Variants in CNTN1 observed in about 807,000 individuals in gnomAD.
The protein encoded by CNTN1 is contactin-1.
A neutral mutation model predicts 126.4 loss-of-function variants in CNTN1; 38 were observed. The observed-to-expected ratio is 0.30, with a 90% CI of 0.23 to 0.39. The LOEUF is 0.39. CNTN1 is among the 10% of genes least tolerant of loss of function. The pLI is 1.00. For missense variants in CNTN1, 1,009 were observed against 1,248.4 expected, an observed-to-expected ratio of 0.81 and a Z score of 2.89; for synonymous variants, 413 against 422.6, an observed-to-expected ratio of 0.98 and a Z score of 0.28.
intron 1 of CNTN1, among the ~76,000 whole-genome samples, chr12:40,773,696 C>CACACATATATATAT (rs1555155615): frequency 5.0e-5 from 1 of 19,914 alleles, no homozygotes; most frequent in African/African-American, 8.3e-5. Context: ...TATATATACA[C>CACACATATATATAT]ATATATATAT....
At chr12:41,061,719 A>C (rs1949941926) in intron 23 of CNTN1, 1 of 448,160 alleles carries the variant, frequency 2.2e-6, no homozygotes, top group African/African-American at 2.0e-5. Context: ...GGGCTGTAGT[A>C]GGAACCTTAA....
At chr12:41,011,227 G>A (rs931875691) in intron 17 of CNTN1, among the ~76,000 whole-genome samples, 2 of 152,188 alleles carry the variant, frequency 1.3e-5, no homozygotes, top group Non-Finnish European at 2.9e-5. Context: ...TGGCTCCTCT[G>A]GAAGTTGCTT....
chr12:40,915,683 C>T (rs1016099052), intron 3 of CNTN1, among the ~76,000 whole-genome samples: 2 of 152,110 alleles, frequency 1.3e-5, no homozygotes, highest in African/African-American at 4.8e-5. Flanking sequence ...TTAACGATGT[C>T]TTTCACTGAG....
chr12:40,926,938 G>A (rs1310515011), intron 6 of CNTN1, among the ~76,000 whole-genome samples: 1 of 152,098 alleles, frequency 6.6e-6, no homozygotes, highest in Non-Finnish European at 1.5e-5. Context: ...CATTACTTCA[G>A]CTGAAGGAAT....
At chr12:40,708,291 C>CA (rs914291646) in intron 1 of CNTN1, among the ~76,000 whole-genome samples, 7 of 152,184 alleles carry the variant, frequency 4.6e-5, no homozygotes, top group African/African-American at 1.7e-4. Context: ...AAGAGAGTCA[C>CA]ACACATTTTT....
At chr12:40,808,821 G>A (rs912916375) in intron 1 of CNTN1, among the ~76,000 whole-genome samples, 14 of 151,982 alleles carry the variant, frequency 9.2e-5, no homozygotes, top group African/African-American at 2.2e-4. Flanking sequence ...AAAAACAAAC[G>A]AACAAATAAA....
At chr12:40,818,733 T>C (rs1000801375) in intron 1 of CNTN1, among the ~76,000 whole-genome samples, 4 of 152,174 alleles carry the variant, frequency 2.6e-5, no homozygotes, top group Non-Finnish European at 5.9e-5. Context: ...CTGCAATTAT[T>C]TGGGGGAGAG....
intron 3 of CNTN1, among the ~76,000 whole-genome samples, chr12:40,913,347 C>T (rs757416009): frequency 3.9e-4 from 59 of 152,170 alleles, no homozygotes; most frequent in Non-Finnish European, 6.2e-4. Context: ...AAGAAGGATG[C>T]TTTGTGACAA....
chr12:40,757,456 T>A (rs1938659210), intron 1 of CNTN1, among the ~76,000 whole-genome samples: 1 of 152,172 alleles, frequency 6.6e-6, no homozygotes, highest in African/African-American at 2.4e-5. Context: ...AATTAAAATA[T>A]AAGAAGAAAT....
chr12:40,996,281 G>C (rs532602164), intron 17 of CNTN1, among the ~76,000 whole-genome samples: 2 of 152,016 alleles, frequency 1.3e-5, no homozygotes, highest in East Asian at 3.9e-4. Flanking sequence ...ACAGGGGCTT[G>C]TCACCACGCC....
Position 40,716,402 on chromosome 12 carries a change from TCTC to T in CNTN1, c.-77+23813_-77+23815del, listed in dbSNP as rs982544615. Among the ~76,000 whole-genome samples, 17 of 148,458 alleles carry T rather than the reference TCTC, an allele frequency of 1.1e-4. No homozygotes were observed. The East Asian group carries it at 1.4e-3, about 12-fold the overall frequency. ...TCTTCTTCCTCTTTTTTCTCCTCCT[TCTC>T]CTTCTCCTCCTTTATTCTTCCACAA... On this transcript the variant is annotated intron_variant, in intron 1 of 23. Transcript: ENST00000551295.
intron 23 of CNTN1, among the ~76,000 whole-genome samples, chr12:41,047,239 G>C (rs1394966458): frequency 6.6e-6 from 1 of 151,990 alleles, no homozygotes; most frequent in Non-Finnish European, 1.5e-5. Flanking sequence ...TGATTAACAC[G>C]GATCCAGGTG....
intron 23 of CNTN1, among the ~76,000 whole-genome samples, chr12:41,059,259 C>T (rs1367011050): frequency 6.6e-6 from 1 of 152,122 alleles, no homozygotes; most frequent in Non-Finnish European, 1.5e-5. Context: ...ACTCATTTGT[C>T]ATAGCCTCAA....
intron 1 of CNTN1, among the ~76,000 whole-genome samples, chr12:40,809,689 G>A (rs1219818214): frequency 1.4e-4 from 22 of 151,958 alleles, no homozygotes; most frequent in African/African-American, 4.4e-4. Context: ...GGTGGTGCAC[G>A]CCTGTAATCC....
chr12:40,816,531 T>C (rs1411830804), intron 1 of CNTN1, among the ~76,000 whole-genome samples: 1 of 152,048 alleles, frequency 6.6e-6, no homozygotes, highest in Non-Finnish European at 1.5e-5. Flanking sequence ...TCTATTTGAT[T>C]CTTCTCTCTC....
At chr12:40,946,273 C>G (rs1946430634) in intron 14 of CNTN1, among the ~76,000 whole-genome samples, 1 of 152,062 alleles carries the variant, frequency 6.6e-6, no homozygotes, top group African/African-American at 2.4e-5. Flanking sequence ...GGAAGATAGT[C>G]CTAACAGCTA....
intron 1 of CNTN1, chr12:40,763,217 T>C (rs1269920917): frequency 6.6e-6 from 1 of 152,262 alleles, no homozygotes; most frequent in Non-Finnish European, 1.5e-5. Context: ...AATAAACTCC[T>C]TCTCTTTATA....
intron 1 of CNTN1, among the ~76,000 whole-genome samples, chr12:40,708,387 C>T (rs980032157): frequency 7.2e-5 from 11 of 152,278 alleles, no homozygotes; most frequent in African/African-American, 2.6e-4. Context: ...AGAAAATGTA[C>T]ACTCCTTAAT....
chr12:40,898,871 C>G (rs1041882587), intron 1 of CNTN1, among the ~76,000 whole-genome samples: 1 of 152,196 alleles, frequency 6.6e-6, no homozygotes, highest in Non-Finnish European at 1.5e-5. Flanking sequence ...CAAAGATATT[C>G]AGATACTGTG....
Sources: gnomAD v4.1 joint callset for allele counts (sites outside exome capture counted in the v4.1 genomes callset) on GRCh38, gnomAD v4.1.1 for gene constraint, MANE v1.5 for transcripts, NCBI Gene and HGNC (gene_info 2026-07-23, HGNC 2026-07-21) for gene names.